The following FGF12 variants were observed in gnomAD, a reference collection of about 807,000 sequenced individuals.
The protein encoded by FGF12 is fibroblast growth factor 12, also known as fibroblast growth factor 12B.
A neutral mutation model predicts 23.6 loss-of-function variants in FGF12; 14 were observed. The observed-to-expected ratio is 0.59, with a 90% CI of 0.39 to 0.93. The LOEUF is 0.93. Among genes scored for constraint, FGF12 ranks in the 40% least tolerant of loss-of-function variants. The pLI, the probability that FGF12 is intolerant of heterozygous loss-of-function variation, is 0.00. For synonymous variants in FGF12, 62 were observed against 77.3 expected (o/e 0.80, Z 1.04); for missense variants, 175 against 217.8 (o/e 0.80, Z 1.24).
chr3:192,307,315 C>A (rs1056262708), intron 4 of FGF12, among the ~76,000 whole-genome samples: 2 of 151,962 alleles, frequency 1.3e-5, no homozygotes, highest in East Asian at 1.9e-4. Context: ...AAAAAAGGCA[C>A]AATAAATAGA....
chr3:192,708,021 G>T (rs182419292), intron 2 of FGF12, among the ~76,000 whole-genome samples: 2 of 152,000 alleles, frequency 1.3e-5, no homozygotes, highest in East Asian at 3.9e-4. Flanking sequence ...GTGCTGTGGC[G>T]CGATCTCGGC....
chr3:192,463,167 C>A (rs1722910763), intron 2 of FGF12, among the ~76,000 whole-genome samples: 1 of 152,080 alleles, frequency 6.6e-6, no homozygotes, highest in Non-Finnish European at 1.5e-5. Context: ...GCCTATAATC[C>A]CAGCACTTTG....
chr3:192,590,867 C>T (rs1713584492), intron 2 of FGF12, among the ~76,000 whole-genome samples: 1 of 151,908 alleles, frequency 6.6e-6, no homozygotes, highest in Non-Finnish European at 1.5e-5. Context: ...GCTCCAGCCA[C>T]AGTGATGACC....
At chr3:192,162,798 C>G (rs535803406) in intron 5 of FGF12, among the ~76,000 whole-genome samples, 1 of 152,186 alleles carries the variant, frequency 6.6e-6, no homozygotes, top group East Asian at 1.9e-4. Context: ...CTGATTTGCT[C>G]TGTTCTTTGG....
At chr3:192,523,258 G>C (rs12487447) in intron 2 of FGF12, among the ~76,000 whole-genome samples, 120,928 of 152,068 alleles carry the variant, frequency 0.8, 49,763 homozygotes, top group Non-Finnish European at 0.9. Context: ...GAGCCTAACA[G>C]TAGAATGTTG....
intron 2 of FGF12, among the ~76,000 whole-genome samples, chr3:192,387,988 G>A: frequency 6.6e-6 from 1 of 152,090 alleles, no homozygotes; most frequent in Admixed American, 6.6e-5. Context: ...AGGCCGGAGG[G>A]GTGTCTCACA....
Position 192,335,396 on chromosome 3 carries a change from CAT to C in FGF12, c.191_192del (p.Tyr64CysfsTer6). The C allele has an allele frequency of 6.2e-7, 1 of 1,613,222 alleles. No individual in the cohort carries two copies. The highest frequency in any genetic ancestry group is 8.5e-7 in the Non-Finnish European group (1 of 1,179,422). ...VAIQGVKASL[Y>X]VAMNGEGYLY... ...AGATAGCCTTCACCATTCATGGCCA[CAT>C]AGAGGCTAGCCTTCACTCCTTGGAT... On this transcript the variant is annotated frameshift_variant, in exon 4 of 6. Coordinates refer to ENST00000445105, the MANE Select transcript of FGF12 (RefSeq NM_004113.6). LOFTEE classifies it high-confidence loss of function.
At chr3:192,694,556 C>CA (rs1370691421) in intron 2 of FGF12, among the ~76,000 whole-genome samples, 4 of 151,612 alleles carry the variant, frequency 2.6e-5, no homozygotes, top group Non-Finnish European at 5.9e-5. Flanking sequence ...TGTGTGTGTA[C>CA]ATATATACAC....
At chr3:192,301,145 T>C (rs1007249318) in intron 4 of FGF12, among the ~76,000 whole-genome samples, 1 of 151,878 alleles carries the variant, frequency 6.6e-6, no homozygotes, top group African/African-American at 2.4e-5. Context: ...AACATGGACT[T>C]AAAATATTAC....
At chr3:192,476,931 C>G (rs1176129690) in intron 2 of FGF12, among the ~76,000 whole-genome samples, 3 of 152,126 alleles carry the variant, frequency 2.0e-5, no homozygotes, top group African/African-American at 7.2e-5. Flanking sequence ...TGATATCAGA[C>G]TAGATCCCAA....
intron 4 of FGF12, among the ~76,000 whole-genome samples, chr3:192,221,602 T>C (rs1718480634): frequency 6.6e-6 from 1 of 152,098 alleles, no homozygotes; most frequent in Admixed American, 6.6e-5. Flanking sequence ...CCTTTAAATA[T>C]CTACATTTTG....
chr3:192,314,625 G>A (rs937412142), intron 4 of FGF12, among the ~76,000 whole-genome samples: 4 of 152,212 alleles, frequency 2.6e-5, no homozygotes, highest in Non-Finnish European at 5.9e-5. Context: ...ACTTCTGGGT[G>A]TATGAGGAAA....
At chr3:192,647,148 G>A (rs1027860306) in intron 2 of FGF12, among the ~76,000 whole-genome samples, 19 of 152,070 alleles carry the variant, frequency 1.2e-4, no homozygotes, top group Admixed American at 1.1e-3. Flanking sequence ...ACAAATACAT[G>A]AAGATGACAA....
intron 2 of FGF12, among the ~76,000 whole-genome samples, chr3:192,636,714 T>G (rs1715597741): frequency 6.6e-6 from 1 of 152,314 alleles, no homozygotes; most frequent in South Asian, 2.1e-4. Flanking sequence ...GCCATACTGG[T>G]CAGCAGAGGT....
chr3:192,439,782 C>G (rs893188044), intron 2 of FGF12, among the ~76,000 whole-genome samples: 5 of 151,916 alleles, frequency 3.3e-5, no homozygotes, highest in Non-Finnish European at 4.4e-5. Context: ...CAAGACCAGC[C>G]TGGCAAAGAT....
chr3:192,502,523 T>G (rs1174527434), intron 2 of FGF12, among the ~76,000 whole-genome samples: 2 of 152,216 alleles, frequency 1.3e-5, no homozygotes, highest in Non-Finnish European at 2.9e-5. Flanking sequence ...CATCCAGTGT[T>G]TAAAATGAAA....
At chr3:192,363,865 C>T (rs754941518) in intron 2 of FGF12, among the ~76,000 whole-genome samples, 11 of 152,310 alleles carry the variant, frequency 7.2e-5, no homozygotes, top group South Asian at 2.1e-4. Context: ...ATTTATCAGA[C>T]TATGCTTGGG....
At chr3:192,711,122 C>T (rs1054092797) in intron 2 of FGF12, among the ~76,000 whole-genome samples, 21 of 152,270 alleles carry the variant, frequency 1.4e-4, no homozygotes, top group Middle Eastern at 3.4e-3. Context: ...AAAATATCTT[C>T]GGGAAATCTC....
At chr3:192,489,452 G>A (rs1212462689) in intron 2 of FGF12, among the ~76,000 whole-genome samples, 1 of 151,950 alleles carries the variant, frequency 6.6e-6, no homozygotes, top group Non-Finnish European at 1.5e-5. Context: ...TCTTTGCCAA[G>A]AGAGTCTCAG....
Sources: allele counts gnomAD v4.1 joint callset (sites outside exome capture counted in the v4.1 genomes callset), GRCh38; gene constraint gnomAD v4.1.1; transcripts MANE v1.5; gene names NCBI Gene and HGNC (gene_info 2026-07-23, HGNC 2026-07-21).